The following CLINT1 variants were observed in gnomAD, a reference collection of about 807,000 sequenced individuals.
CLINT1 encodes clathrin interacting protein localized in the trans-Golgi region.
Under a neutral mutation model 70.4 loss-of-function variants are expected in CLINT1, and 15 were observed. The observed-to-expected ratio is 0.21, with a 90% CI of 0.14 to 0.33. CLINT1 has a LOEUF of 0.33. Among genes scored for constraint, CLINT1 ranks in the 10% least tolerant of loss-of-function variants. The pLI is 1.00. For synonymous variants in CLINT1, 227 were observed against 254.7 expected (o/e 0.89, Z 1.04); for missense variants, 615 against 778.1 (o/e 0.79, Z 2.49).
chr5:157,827,981 C>T (rs1452048923), intron 1 of CLINT1, among the ~76,000 whole-genome samples: 1 of 152,074 alleles, frequency 6.6e-6, no homozygotes, highest in Non-Finnish European at 1.5e-5. Flanking sequence ...CTACCTGATC[C>T]CTGGACACAT....
chr5:157,794,481 A>G (rs17679725), intron 9 of CLINT1, among the ~76,000 whole-genome samples: 11,143 of 152,274 alleles, frequency 0.073, 560 homozygotes, highest in Non-Finnish European at 0.11. Flanking sequence ...TAAGATATCT[A>G]AATTAAAAAG....
At chr5:157,830,330 A>G (rs1763183061) in intron 1 of CLINT1, among the ~76,000 whole-genome samples, 1 of 151,632 alleles carries the variant, frequency 6.6e-6, no homozygotes, top group South Asian at 2.1e-4. Flanking sequence ...GTTATTTCTT[A>G]TTTTTTACCT....
At chr5:157,806,216 T>C in intron 6 of CLINT1, 104 bp from the exon 7 acceptor site, 2 of 1,185,300 alleles carry the variant, frequency 1.7e-6, no homozygotes, top group Non-Finnish European at 1.2e-6. Context: ...AACTCCAAAA[T>C]TTCATACTTT....
chr5:157,821,042 A>C (rs538316536), intron 1 of CLINT1, among the ~76,000 whole-genome samples: 9 of 152,180 alleles, frequency 5.9e-5, no homozygotes, highest in Admixed American at 1.3e-4. Context: ...TGAAATTTTA[A>C]AAAATTATCT....
chr5:157,832,752 G>A (rs951989144), intron 1 of CLINT1, among the ~76,000 whole-genome samples: 2 of 152,156 alleles, frequency 1.3e-5, no homozygotes, highest in Non-Finnish European at 2.9e-5. Context: ...ACACTTGAGA[G>A]ATTACTTCTC....
intron 8 of CLINT1, chr5:157,795,631 TAAA>T (rs1389254145): frequency 6.6e-6 from 1 of 150,904 alleles, no homozygotes; most frequent in Non-Finnish European, 1.5e-5. Flanking sequence ...AACAAACAAA[TAAA>T]AAAGAACGAG....
At chr5:157,789,114 A>G (rs1272408873) in intron 11 of CLINT1, among the ~76,000 whole-genome samples, 1 of 152,104 alleles carries the variant, frequency 6.6e-6, no homozygotes, top group East Asian at 1.9e-4. Flanking sequence ...TTTTTATTTT[A>G]GTGATCAGGT....
chr5:157,829,089 G>A (rs1333186622), intron 1 of CLINT1, among the ~76,000 whole-genome samples: 4 of 151,922 alleles, frequency 2.6e-5, no homozygotes, highest in Admixed American at 6.6e-5. Flanking sequence ...GCATGGAAGC[G>A]AGACTCTGCC....
intron 3 of CLINT1, among the ~76,000 whole-genome samples, chr5:157,815,379 G>A (rs59744436): frequency 0.14 from 20,365 of 149,904 alleles, 1,797 homozygotes; most frequent in African/African-American, 0.25. Flanking sequence ...GCTAATGGGT[G>A]TAGGGTTTCT....
At chr5:157,842,930 A>G (rs1145598) in intron 1 of CLINT1, among the ~76,000 whole-genome samples, 12,255 of 152,198 alleles carry the variant, frequency 0.081, 575 homozygotes, top group East Asian at 0.18. Context: ...TTGCTCTTTA[A>G]AGTTAATCGA....
At chr5:157,852,816 A>T (rs1753618707) in intron 1 of CLINT1, among the ~76,000 whole-genome samples, 1 of 152,344 alleles carries the variant, frequency 6.6e-6, no homozygotes, top group East Asian at 1.9e-4. Flanking sequence ...CTAGCAAATT[A>T]TTATAAAAAT....
chr5:157,804,973 A>T (rs1239111375), intron 7 of CLINT1, among the ~76,000 whole-genome samples: 1 of 152,100 alleles, frequency 6.6e-6, no homozygotes, highest in Non-Finnish European at 1.5e-5. Flanking sequence ...TACAAATATA[A>T]AATATTTATT....
At chr5:157,846,278 T>C (rs1426983873) in intron 1 of CLINT1, among the ~76,000 whole-genome samples, 1 of 151,520 alleles carries the variant, frequency 6.6e-6, no homozygotes, top group Non-Finnish European at 1.5e-5. Context: ...TTGAAGGAAA[T>C]TTAAAGTGCT....
chr5:157,809,866 A>C, intron 5 of CLINT1, 61 bp from the exon 6 acceptor site: 1 of 1,469,056 alleles, frequency 6.8e-7, no homozygotes, highest in Non-Finnish European at 9.3e-7. Flanking sequence ...AGGTATCTAC[A>C]AGTCCTTATT....
intron 1 of CLINT1, among the ~76,000 whole-genome samples, chr5:157,846,910 C>T (rs1331905505): frequency 6.6e-6 from 1 of 152,108 alleles, no homozygotes; most frequent in Non-Finnish European, 1.5e-5. Context: ...TTATTTTAAG[C>T]CCACTGTTGA....
intron 1 of CLINT1, among the ~76,000 whole-genome samples, chr5:157,839,168 A>G (rs1763532370): frequency 6.6e-6 from 1 of 152,170 alleles, no homozygotes; most frequent in Non-Finnish European, 1.5e-5. Flanking sequence ...GGTCAAGGCT[A>G]TAGTGGGCCA....
chr5:157,818,135 A>G (rs1334940918), intron 1 of CLINT1, among the ~76,000 whole-genome samples: 1 of 152,132 alleles, frequency 6.6e-6, no homozygotes, highest in Admixed American at 6.5e-5. Context: ...CCTCACTTTT[A>G]CTGGCTGCAT....
At chr5:157,841,761 T>C (rs1269036755) in intron 1 of CLINT1, among the ~76,000 whole-genome samples, 3 of 152,062 alleles carry the variant, frequency 2.0e-5, no homozygotes, top group African/African-American at 4.8e-5. Context: ...GCTGGGACTA[T>C]AGGCGTGCAT....
chr5:157,816,876 G>T, intron 2 of CLINT1, 46 bp from the exon 3 acceptor site: 1 of 1,337,128 alleles, frequency 7.5e-7, no homozygotes, highest in South Asian at 1.3e-5. Context: ...TATTAATTTT[G>T]ACAGTAGATG....
Sources: allele counts gnomAD v4.1 joint callset (sites outside exome capture counted in the v4.1 genomes callset), GRCh38; gene constraint gnomAD v4.1.1; transcripts MANE v1.5; gene names NCBI Gene and HGNC (gene_info 2026-07-23, HGNC 2026-07-21).